SORCS1: variants seen among roughly 807,000 people sequenced by gnomAD.
SORCS1 encodes the protein VPS10 domain-containing receptor SorCS1.
In SORCS1, 60 loss-of-function variants were observed where a neutral mutation model predicts 146.1. That is an observed-to-expected ratio of 0.41 (90% CI 0.33 to 0.51). SORCS1 has a LOEUF of 0.51. Among genes scored for constraint, SORCS1 ranks in the 20% least tolerant of loss-of-function variants. SORCS1 has a pLI of 0.21. For synonymous variants in SORCS1, 637 were observed against 584.0 expected (o/e 1.09, Z -1.31); for missense variants, 1,352 against 1,487.6 (o/e 0.91, Z 1.50).
intron 1 of SORCS1, among the ~76,000 whole-genome samples, chr10:106,990,737 A>G (rs866449052): frequency 6.6e-6 from 1 of 152,236 alleles, no homozygotes; most frequent in East Asian, 1.9e-4. Context: ...TTCTACCTGC[A>G]TCGCATTTAC....
intron 3 of SORCS1, among the ~76,000 whole-genome samples, chr10:106,814,135 A>G (rs781006286): frequency 1.3e-5 from 2 of 152,216 alleles, no homozygotes; most frequent in Admixed American, 1.3e-4. Flanking sequence ...TCGATGTAGA[A>G]TCCTTTTCAG....
intron 2 of SORCS1, among the ~76,000 whole-genome samples, chr10:106,951,523 A>AT (rs1328328590): frequency 6.6e-6 from 1 of 151,744 alleles, no homozygotes. Flanking sequence ...GAAAAAAAAA[A>AT]AAAAAAACGG....
chr10:106,939,166 A>T (rs540730864), intron 2 of SORCS1, among the ~76,000 whole-genome samples: 2 of 152,348 alleles, frequency 1.3e-5, no homozygotes, highest in Admixed American at 1.3e-4. Flanking sequence ...CATCACAATA[A>T]ATACCAATCA....
chr10:106,873,660 A>G (rs1000630348), intron 2 of SORCS1, among the ~76,000 whole-genome samples: 5 of 152,194 alleles, frequency 3.3e-5, no homozygotes, highest in Admixed American at 6.5e-5. Context: ...CCTATTTTTC[A>G]AACTATATTT....
intron 24 of SORCS1, among the ~76,000 whole-genome samples, chr10:106,581,764 T>C (rs574836544): frequency 4.1e-4 from 62 of 152,256 alleles, no homozygotes; most frequent in Middle Eastern, 6.8e-3. Flanking sequence ...CCTATAACTC[T>C]AAAAGATAAG....
chr10:106,998,766 G>A (rs1957097696), intron 1 of SORCS1, among the ~76,000 whole-genome samples: 1 of 152,098 alleles, frequency 6.6e-6, no homozygotes, highest in African/African-American at 2.4e-5. Flanking sequence ...AAAACTGGTG[G>A]TTATATCTCC....
At chr10:106,944,589 T>C (rs1289262781) in intron 2 of SORCS1, among the ~76,000 whole-genome samples, 1 of 152,232 alleles carries the variant, frequency 6.6e-6, no homozygotes, top group African/African-American at 2.4e-5. Context: ...GACAACAATA[T>C]GATCTTCTTT....
At chr10:106,706,429 GA>G (rs1427280404) in intron 8 of SORCS1, 115 bp downstream of exon 8, 27 of 965,258 alleles carry the variant, frequency 2.8e-5, no homozygotes, top group Non-Finnish European at 3.9e-5. Flanking sequence ...ACAGAGATGA[GA>G]GATGTAAAGA....
chr10:107,157,866 C>CA (rs1411165921), intron 1 of SORCS1, among the ~76,000 whole-genome samples: 2 of 152,184 alleles, frequency 1.3e-5, no homozygotes, highest in African/African-American at 4.8e-5. Flanking sequence ...TCTGCCATCC[C>CA]CTTTGGCCAC....
chr10:106,620,694 T>C (rs1329714181), intron 19 of SORCS1, 133 bp from the exon 20 acceptor site: 4 of 1,072,768 alleles, frequency 3.7e-6, no homozygotes, highest in South Asian at 4.0e-5. Context: ...AAAAGAAGTG[T>C]TCAGATGCTT....
intron 10 of SORCS1, among the ~76,000 whole-genome samples, chr10:106,680,976 T>A (rs1852394402): frequency 6.6e-6 from 1 of 152,194 alleles, no homozygotes; most frequent in South Asian, 2.1e-4. Context: ...TTTTCTTTAC[T>A]GCCAACAAAG....
chr10:106,619,201 G>GTAC (rs1847577177), intron 20 of SORCS1, among the ~76,000 whole-genome samples: 1 of 152,108 alleles, frequency 6.6e-6, no homozygotes, highest in Non-Finnish European at 1.5e-5. Flanking sequence ...TCACCTTTTA[G>GTAC]TACTAGTTTT....
At position 106,729,917 on chromosome 10, in the gene SORCS1, AC is replaced by A. The variant is rs563938164; in HGVS notation, c.1024+132del. On this transcript the variant is annotated intron_variant, in intron 6 of 25. Transcript: ENST00000263054. ...TCAAAAGAAGCAGGTCACCCCTGCA[AC>A]CCCAAATCCTCAGAAACCACACATC... The A allele has an allele frequency of 1.8e-3, 1,947 of 1,085,512 alleles. 2 individuals are homozygous for A. Among genetic ancestry groups the A allele is most frequent in the Non-Finnish European group, 2.4e-3 (1,797 of 740,746 alleles). 67.2% of individuals were successfully genotyped at this position (1,085,512 alleles called of 1,614,324 possible).
chr10:107,082,470 TTTTTC>T (rs748634858), intron 1 of SORCS1, among the ~76,000 whole-genome samples: 1 of 152,172 alleles, frequency 6.6e-6, no homozygotes, highest in Non-Finnish European at 1.5e-5. Flanking sequence ...CCTTTCTTTT[TTTTTC>T]TTTTCTTTTT....
chr10:107,172,749 C>T, the SORCS1 span, among the ~76,000 whole-genome samples: 2 of 152,090 alleles, frequency 1.3e-5, no homozygotes, highest in African/African-American at 4.8e-5. Flanking sequence ...CATAAACACC[C>T]ACCACAAATG....
chr10:107,099,742 A>G (rs1171175981), intron 1 of SORCS1, among the ~76,000 whole-genome samples: 1 of 152,254 alleles, frequency 6.6e-6, no homozygotes, highest in Non-Finnish European at 1.5e-5. Context: ...ATAAAATATT[A>G]TAACTAAAAG....
chr10:107,043,425 G>A (rs1372297311), intron 1 of SORCS1, among the ~76,000 whole-genome samples: 1 of 152,130 alleles, frequency 6.6e-6, no homozygotes, highest in Non-Finnish European at 1.5e-5. Context: ...CAGATAAAAC[G>A]ATGCTCTTTT....
chr10:107,071,478 G>A (rs1049336443), intron 1 of SORCS1, among the ~76,000 whole-genome samples: 5 of 152,304 alleles, frequency 3.3e-5, no homozygotes, highest in African/African-American at 1.2e-4. Flanking sequence ...ACACCTGCCT[G>A]CATTATGGTG....
At position 106,824,257 on chromosome 10, in the gene SORCS1, G is replaced by A. The variant is rs574181673; in HGVS notation, c.726+5317C>T. 1.4e-3 allele frequency among the ~76,000 whole-genome samples: 200 copies of A among 143,072 alleles called. 1 individual carries two copies. The highest frequency in any genetic ancestry group is 9.6e-3 in the South Asian group (42 of 4,356). The allele number at this position is 143,072 out of a possible 152,430, so 93.9% of individuals were successfully genotyped here. A position where few individuals can be genotyped will look rare whatever the true frequency, so the allele number is the denominator to read the frequency against. On this transcript the variant is annotated intron_variant, in intron 3 of 25. Transcript: ENST00000263054. ...AGGCGGAGGTTGCGGTTGTGCCACT[G>A]TACTCCAGCCTAGGCAACAGAGCAA... is the stretch of plus-strand genomic sequence containing the variant.
Sources: allele counts gnomAD v4.1 joint callset (sites outside exome capture counted in the v4.1 genomes callset), GRCh38; gene constraint gnomAD v4.1.1; transcripts MANE v1.5; gene names NCBI Gene and HGNC (gene_info 2026-07-23, HGNC 2026-07-21).